FGF13: variants seen among roughly 807,000 people sequenced by gnomAD.
FGF13 encodes the protein fibroblast growth factor homologous factor 2.
Under a neutral mutation model 19.5 loss-of-function variants are expected in FGF13, and 2 were observed. The ratio of observed to expected loss-of-function variants is 0.10; its 90% CI spans 0.04 to 0.32. FGF13 has a LOEUF of 0.32. Ranked by LOEUF, FGF13 falls within the 10% of genes least tolerant of loss-of-function variation. The probability of loss-of-function intolerance (pLI) is 1.00; values close to 1 mark genes in which losing one functional copy is unlikely to be tolerated. For synonymous variants in FGF13, 72 were observed against 76.9 expected, an observed-to-expected ratio of 0.94 and a Z score of 0.33; for missense variants, 113 against 192.7, an observed-to-expected ratio of 0.59 and a Z score of 2.45.
chrX:139,165,416 T>G lies in FGF13; in HGVS notation c.-113+38000A>C, dbSNP rs910557322. ...CTGCCACATAAAAACTGAAAAAGCT[T>G]GCAAGAGTGTGGCCAAGTGACCATT... On this transcript the variant is annotated intron_variant, in intron 1 of 2. Transcript: ENST00000421460. 2.7e-5 allele frequency among the ~76,000 whole-genome samples: 3 copies of G among 111,804 alleles called. No homozygotes were observed. The Admixed American group carries it at 2.8e-4, about 11-fold the overall frequency.
At chrX:138,880,770 T>A (rs1008441569) in intron 1 of FGF13, among the ~76,000 whole-genome samples, 1 of 112,336 alleles carries the variant, frequency 8.9e-6, no homozygotes, top group Non-Finnish European at 1.9e-5. Flanking sequence ...ACCTCAATTC[T>A]ACGCTATTAG....
At chrX:138,783,891 G>A (rs1244965054) in intron 3 of FGF13, among the ~76,000 whole-genome samples, 5 of 109,340 alleles carry the variant, frequency 4.6e-5, no homozygotes, top group East Asian at 2.9e-4. Flanking sequence ...CATTATTCAC[G>A]ATAGCAAAGA....
intron 2 of FGF13, among the ~76,000 whole-genome samples, chrX:138,703,353 A>G (rs771371525): frequency 2.7e-5 from 3 of 112,103 alleles, no homozygotes; most frequent in Non-Finnish European, 5.6e-5. Flanking sequence ...CTGTAACTAC[A>G]TATTATTTAA....
chrX:139,082,519 C>T (rs1403242330), intron 1 of FGF13, among the ~76,000 whole-genome samples: 2 of 111,028 alleles, frequency 1.8e-5, no homozygotes, highest in East Asian at 5.7e-4. Context: ...CCTTGTAAGA[C>T]GAGAGGAGGA....
chrX:138,731,021 C>T (rs2090226303), intron 1 of FGF13, among the ~76,000 whole-genome samples: 1 of 111,161 alleles, frequency 9.0e-6, no homozygotes, highest in South Asian at 3.7e-4. Context: ...CAATAATATA[C>T]AAATTCCTAT....
intron 3 of FGF13, among the ~76,000 whole-genome samples, chrX:138,671,844 T>C (rs967825559): frequency 9.1e-6 from 1 of 110,392 alleles, no homozygotes; most frequent in African/African-American, 3.3e-5. Flanking sequence ...ATATAAATAA[T>C]AGATAATGGG....
Position 139,071,638 on chromosome X carries a change from T to C in FGF13, c.-113+131778A>G, listed in dbSNP as rs760601008. Among the ~76,000 whole-genome samples the C allele has an allele frequency of 8.9e-5, 10 of 111,883 alleles. No homozygotes were observed. The South Asian group carries it at 3.7e-3, about 41-fold the overall frequency. Reference sequence around the variant, plus strand: ...ACAACTCACACTTTCTTTGTTTTAATAAATTTCCATTACAGTCCACCCTAT... The same window carrying C: ...ACAACTCACACTTTCTTTGTTTTAACAAATTTCCATTACAGTCCACCCTAT... On this transcript the variant is annotated intron_variant, in intron 1 of 2. Transcript: ENST00000421460.
chrX:138,920,694 C>T (rs7885404), intron 1 of FGF13, among the ~76,000 whole-genome samples: 3,755 of 111,144 alleles, frequency 0.034, 160 homozygotes, highest in African/African-American at 0.12. Flanking sequence ...AGTTGTATTA[C>T]TAGTGTTCAA....
At chrX:138,779,601 G>A (rs1414639521) in intron 3 of FGF13, among the ~76,000 whole-genome samples, 1 of 109,666 alleles carries the variant, frequency 9.1e-6, no homozygotes, top group African/African-American at 3.3e-5. Flanking sequence ...AAGCGAGAAG[G>A]GAAGTTTAGA....
intron 1 of FGF13, among the ~76,000 whole-genome samples, chrX:138,866,848 C>T (rs1179458161): frequency 8.9e-6 from 1 of 111,923 alleles, no homozygotes; most frequent in Non-Finnish European, 1.9e-5. Flanking sequence ...AGCTGGCACA[C>T]AGTCACATAG....
In FGF13 at chrX:138,628,874, C is replaced by T. The variant is rs898174330; in HGVS notation, c.*3976G>A. The T allele has an allele frequency of 2.7e-5, 3 of 111,986 alleles. No homozygotes were observed. The highest frequency in any genetic ancestry group is 9.5e-5 in the Admixed American group (1 of 10,539). The allele number at this position is 111,986 out of a possible 1,213,427, so 9.2% of individuals were successfully genotyped here. ...AGGATTCCATGGCAATGAGCATGTC[C>T]TCTCTTTGGATACAAACAAAACTCC... On this transcript the variant is annotated 3_prime_UTR_variant, in exon 5 of 5. Transcript: ENST00000315930.
Position 138,695,613 on chromosome X carries a change from C to T in FGF13, c.402+7371G>A, listed in dbSNP as rs1417834327. On this transcript the variant is annotated intron_variant, in intron 3 of 4. Transcript: ENST00000315930. ...GGGAAAGAAAGAACAAATGATAAAGCAAATGGAGCAAAATGAATCGGAGGA... is the reference window on the plus strand; with the variant it reads ...GGGAAAGAAAGAACAAATGATAAAGTAAATGGAGCAAAATGAATCGGAGGA... 2.7e-5 allele frequency among the ~76,000 whole-genome samples: 3 copies of T among 111,549 alleles called. No individual in the cohort carries two copies. The East Asian group carries it at 8.5e-4, about 32-fold the overall frequency.
intron 3 of FGF13, among the ~76,000 whole-genome samples, chrX:138,668,822 A>G (rs1033473781): frequency 9.0e-6 from 1 of 110,863 alleles, no homozygotes; most frequent in Non-Finnish European, 1.9e-5. Context: ...GATGGTTTCA[A>G]TGAAAAAGTT....
At chrX:138,967,122 AC>A (rs758100890) in intron 1 of FGF13, among the ~76,000 whole-genome samples, 345 of 105,981 alleles carry the variant, frequency 3.3e-3, no homozygotes, top group African/African-American at 0.011. Context: ...GACTAATACA[AC>A]CCCCCAAAAT....
At chrX:139,182,538 G>C (rs2084248692) in intron 1 of FGF13, among the ~76,000 whole-genome samples, 1 of 112,018 alleles carries the variant, frequency 8.9e-6, no homozygotes, top group African/African-American at 3.2e-5. Context: ...CAAGGCAGGA[G>C]AACTGCAGGC....
At chrX:138,700,620 T>C (rs910457123) in intron 3 of FGF13, among the ~76,000 whole-genome samples, 1 of 111,071 alleles carries the variant, frequency 9.0e-6, no homozygotes, top group Non-Finnish European at 1.9e-5. Context: ...TAAGGAGTAA[T>C]TGGAAGAATT....
intron 1 of FGF13, among the ~76,000 whole-genome samples, chrX:139,038,642 A>G (rs1339396989): frequency 3.6e-5 from 4 of 111,680 alleles, no homozygotes; most frequent in African/African-American, 1.3e-4. Flanking sequence ...TGTTCTTCCA[A>G]TTGCTAGATT....
chrX:138,964,332 C>A (rs374712317), intron 1 of FGF13, among the ~76,000 whole-genome samples: 5 of 111,753 alleles, frequency 4.5e-5, no homozygotes, highest in African/African-American at 1.6e-4. Flanking sequence ...TGACCCCCCA[C>A]TATTTTTCTA....
At chrX:138,961,793 T>C (rs1275725853) in intron 1 of FGF13, among the ~76,000 whole-genome samples, 1 of 111,807 alleles carries the variant, frequency 8.9e-6, no homozygotes, top group Non-Finnish European at 1.9e-5. Flanking sequence ...TAGCCACAGG[T>C]AGAAAGCTGA....
Sources: allele counts gnomAD v4.1 joint callset (sites outside exome capture counted in the v4.1 genomes callset), GRCh38; gene constraint gnomAD v4.1.1; transcripts MANE v1.5; gene names NCBI Gene and HGNC (gene_info 2026-07-23, HGNC 2026-07-21).